NCKAP5: variants seen among roughly 807,000 people sequenced by gnomAD.
The protein encoded by NCKAP5 is NCK associated protein 5.
Under a neutral mutation model 167.0 loss-of-function variants are expected in NCKAP5, and 92 were observed. The ratio of observed to expected loss-of-function variants is 0.55; its 90% CI spans 0.47 to 0.66. NCKAP5 has a LOEUF of 0.66. Among genes scored for constraint, NCKAP5 ranks in the 30% least tolerant of loss-of-function variants. NCKAP5 has a pLI of 0.00. For synonymous variants in NCKAP5, 891 were observed against 877.4 expected, an observed-to-expected ratio of 1.02 and a Z score of -0.27; for missense variants, 2,378 against 2,315.0, an observed-to-expected ratio of 1.03 and a Z score of -0.56.
chr2:133,567,653 G>A (rs1379056941), intron 1 of NCKAP5, among the ~76,000 whole-genome samples: 1 of 129,766 alleles, frequency 7.7e-6, no homozygotes, highest in African/African-American at 3.0e-5. Context: ...GAGGATGAAT[G>A]AGCCTGTGTG....
At chr2:133,092,988 CCTGCCT>C (rs1347673098) in intron 6 of NCKAP5, among the ~76,000 whole-genome samples, 5 of 152,158 alleles carry the variant, frequency 3.3e-5, no homozygotes, top group Non-Finnish European at 5.9e-5. Context: ...TTTTGCAGTT[CCTGCCT>C]CTTTCTAGTT....
intron 3 of NCKAP5, among the ~76,000 whole-genome samples, chr2:133,420,784 G>A (rs10204436): frequency 6.6e-6 from 1 of 152,008 alleles, no homozygotes; most frequent in Non-Finnish European, 1.5e-5. Flanking sequence ...CACAGATGAA[G>A]AAATAAAGGC....
At chr2:133,227,848 G>T (rs1168378203) in intron 4 of NCKAP5, among the ~76,000 whole-genome samples, 1 of 152,098 alleles carries the variant, frequency 6.6e-6, no homozygotes, top group East Asian at 1.9e-4. Flanking sequence ...CAAACTTCAG[G>T]TACAATAAGA....
chr2:133,202,797 C>G (rs2085760265), intron 5 of NCKAP5, among the ~76,000 whole-genome samples: 1 of 152,162 alleles, frequency 6.6e-6, no homozygotes, highest in Non-Finnish European at 1.5e-5. Context: ...AAATGCTCAT[C>G]ATCACTGGCC....
intron 2 of NCKAP5, among the ~76,000 whole-genome samples, chr2:133,558,722 A>G (rs1490761588): frequency 6.8e-6 from 1 of 147,956 alleles, no homozygotes; most frequent in Admixed American, 6.8e-5. Context: ...AAAAAAAAAA[A>G]AAAAGCCCAT....
intron 3 of NCKAP5, among the ~76,000 whole-genome samples, chr2:133,390,256 C>A (rs1342452230): frequency 2.6e-5 from 4 of 152,180 alleles, no homozygotes; most frequent in Non-Finnish European, 4.4e-5. Context: ...AAGAAAGACT[C>A]CTTCCAGTGT....
intron 19 of NCKAP5, among the ~76,000 whole-genome samples, chr2:132,710,117 C>T: frequency 6.6e-6 from 1 of 151,970 alleles, no homozygotes; most frequent in East Asian, 1.9e-4. Context: ...AAGGCAAAAA[C>T]CATATGATCA....
At chr2:132,767,916 A>G (rs1391546659) in intron 16 of NCKAP5, among the ~76,000 whole-genome samples, 1 of 152,202 alleles carries the variant, frequency 6.6e-6, no homozygotes, top group Non-Finnish European at 1.5e-5. Context: ...CACCTCACAG[A>G]CAACTTCTCA....
At chr2:133,133,160 G>A (rs1311124329) in intron 5 of NCKAP5, among the ~76,000 whole-genome samples, 2 of 152,150 alleles carry the variant, frequency 1.3e-5, no homozygotes, top group Non-Finnish European at 2.9e-5. Flanking sequence ...AATGAGAGAT[G>A]GAGAACAGTT....
intron 7 of NCKAP5, among the ~76,000 whole-genome samples, chr2:132,989,814 G>A (rs759889280): frequency 4.6e-5 from 7 of 152,058 alleles, no homozygotes; most frequent in East Asian, 1.9e-4. Context: ...TGGCATTTGC[G>A]AGTTCATCCT....
chr2:132,876,412 ATTTACATTTATCCACCTGTG>A (rs1297963400), intron 9 of NCKAP5, among the ~76,000 whole-genome samples: 1 of 152,150 alleles, frequency 6.6e-6, no homozygotes, highest in Non-Finnish European at 1.5e-5. Context: ...AACATTTTAA[ATTTACATTTATCCACCTGTG>A]TATGTTTGAT....
At chr2:133,153,053 T>C (rs1052972308) in intron 5 of NCKAP5, among the ~76,000 whole-genome samples, 2 of 152,314 alleles carry the variant, frequency 1.3e-5, no homozygotes, top group East Asian at 3.9e-4. Flanking sequence ...CAATGCATCG[T>C]TGTACACAAA....
intron 3 of NCKAP5, among the ~76,000 whole-genome samples, chr2:133,322,851 C>T (rs1682156490): frequency 6.6e-6 from 1 of 152,144 alleles, no homozygotes; most frequent in Non-Finnish European, 1.5e-5. Context: ...ACTGCAGGGT[C>T]CCACCCCCAA....
chr2:132,920,707 A>AGTT lies in NCKAP5; in HGVS notation c.580-41792_580-41791insAAC, dbSNP rs1558942564. ...TTAGTTTATATATATATATACGTAT[A>AGTT]TGTATATATATGTATATATATATAT... On this transcript the variant is annotated intron_variant, in intron 8 of 19. Coordinates refer to ENST00000409261, the MANE Select transcript of NCKAP5 (RefSeq NM_207363.3). 4.9e-5 allele frequency among the ~76,000 whole-genome samples: 5 copies of AGTT among 102,644 alleles called. 1 individual carries two copies. The highest frequency in any genetic ancestry group is 1.2e-4 in the Admixed American group (1 of 8,400). The allele number at this position is 102,644 out of a possible 152,430, so 67.3% of individuals were successfully genotyped here. A position where few individuals can be genotyped will look rare whatever the true frequency, so the allele number is the denominator to read the frequency against.
chr2:133,036,786 G>A (rs2079054186), intron 6 of NCKAP5, among the ~76,000 whole-genome samples: 1 of 152,020 alleles, frequency 6.6e-6, no homozygotes, highest in South Asian at 2.1e-4. Flanking sequence ...TGCCACCGCT[G>A]TTATTCACCA....
intron 3 of NCKAP5, among the ~76,000 whole-genome samples, chr2:133,387,588 G>T (rs1424625208): frequency 1.3e-5 from 2 of 152,130 alleles, no homozygotes; most frequent in African/African-American, 4.8e-5. Context: ...TTTGAATGTT[G>T]GCCTGCCTTG....
intron 4 of NCKAP5, among the ~76,000 whole-genome samples, chr2:133,263,760 G>T (rs2089037195): frequency 6.6e-6 from 1 of 152,040 alleles, no homozygotes; most frequent in African/African-American, 2.4e-5. Context: ...GATATGACTG[G>T]TTTTCAAAGT....
At chr2:132,769,859 C>G (rs1231941555) in intron 16 of NCKAP5, among the ~76,000 whole-genome samples, 1 of 152,094 alleles carries the variant, frequency 6.6e-6, no homozygotes, top group Non-Finnish European at 1.5e-5. Flanking sequence ...GACTAGAGTG[C>G]TGGGAGTCAA....
At chr2:133,213,584 A>G in intron 5 of NCKAP5, 132 bp downstream of exon 5, 2 of 822,886 alleles carry the variant, frequency 2.4e-6, no homozygotes, top group Non-Finnish European at 4.0e-6. Flanking sequence ...TTATAAATAC[A>G]TCATTTGCCA....
Sources: allele counts gnomAD v4.1 joint callset (sites outside exome capture counted in the v4.1 genomes callset), GRCh38; gene constraint gnomAD v4.1.1; transcripts MANE v1.5; gene names NCBI Gene and HGNC (gene_info 2026-07-23, HGNC 2026-07-21).